Variants in MOB3A observed in about 807,000 individuals in gnomAD.
MOB3A encodes MOB LAK.
A neutral mutation model predicts 17.8 loss-of-function variants in MOB3A; 17 were observed. The ratio of observed to expected loss-of-function variants is 0.95; its 90% CI spans 0.65 to 1.43. The LOEUF is 1.43. Among genes scored for constraint, MOB3A ranks in the 40% most tolerant of loss-of-function variants. The pLI is 0.00. For missense variants in MOB3A, 333 were observed against 310.8 expected (o/e 1.07, Z -0.54); for synonymous variants, 124 against 133.2 (o/e 0.93, Z 0.48).
chr19:2,072,505 C>T lies in MOB3A; in HGVS notation c.*890G>A, dbSNP rs886099944. 6.6e-6 allele frequency: 1 copy of T among 152,102 alleles called. No homozygotes were observed. The highest frequency in any genetic ancestry group is 1.5e-5 in the Non-Finnish European group (1 of 68,034). The allele number at this position is 152,102 out of a possible 1,614,324, so 9.4% of individuals were successfully genotyped here. ...TAAAAATCAAACCCTTTATGATACA[C>T]AAAGGGGCCCTTAGGAAATGAGTCA... On this transcript the variant is annotated 3_prime_UTR_variant, in exon 5 of 5. Coordinates refer to ENST00000357066, the MANE Select transcript of MOB3A (RefSeq NM_130807.3).
chr19:2,085,998 G>A (rs569170421), intron 1 of MOB3A, among the ~76,000 whole-genome samples: 3 of 147,734 alleles, frequency 2.0e-5, no homozygotes, highest in South Asian at 2.1e-4. Flanking sequence ...GCAGCATCCC[G>A]GAGCCACCTT....
At chr19:2,088,916 TAATG>T (rs747777279) in intron 1 of MOB3A, among the ~76,000 whole-genome samples, 1 of 152,190 alleles carries the variant, frequency 6.6e-6, no homozygotes, top group African/African-American at 2.4e-5. Context: ...TCTCCCTCTT[TAATG>T]AGTAATTTTT....
intron 1 of MOB3A, among the ~76,000 whole-genome samples, chr19:2,090,751 C>T (rs1483203193): frequency 6.6e-6 from 1 of 152,084 alleles, no homozygotes; most frequent in Non-Finnish European, 1.5e-5. Flanking sequence ...GCAACCTCCG[C>T]CTACTGGGTT....
intron 1 of MOB3A, 101 bp from the exon 2 acceptor site, chr19:2,085,429 A>AC (rs1443090977): frequency 2.0e-5 from 3 of 146,688 alleles, no homozygotes; most frequent in African/African-American, 7.7e-5. Context: ...AACTGGTATG[A>AC]CCCCTCCCCC....
intron 3 of MOB3A, 88 bp downstream of exon 3, chr19:2,078,052 G>T: frequency 7.5e-7 from 1 of 1,341,126 alleles, no homozygotes; most frequent in East Asian, 2.6e-5. Flanking sequence ...CCAAAGCGCT[G>T]GCATTACGGG....
rs1428991176 is a variant in MOB3A at position 2,082,901 on chromosome 19, C to T, written c.-120+2274G>A. Among the ~76,000 whole-genome samples the T allele has an allele frequency of 6.6e-6, 1 of 152,188 alleles. No homozygotes were observed. On this transcript the variant is annotated intron_variant, in intron 2 of 4. Transcript: ENST00000357066. This position sits in a 1 kb window ranked among gnomAD's most constrained non-coding sequence, Gnocchi z 4.1. ...ATCATGGCTCACACTTCAGCCTCGA[C>T]CTCCTAGCTCAAGGGATCCTCCTGC...
intron 1 of MOB3A, chr19:2,095,407 C>A (rs2017669278): frequency 6.6e-6 from 1 of 152,234 alleles, no homozygotes; most frequent in African/African-American, 2.4e-5. Context: ...CGGGCGCCTC[C>A]TTCCGGGGTG....
At position 2,078,631 on chromosome 19, in the gene MOB3A, C is replaced by T; in HGVS notation, c.-71G>A. ...CCAGCTGGCTGGGGGTGCTGACCAA[C>T]CCGAGAGGCCACGAAACACTCACCA... On this transcript the variant is annotated 5_prime_UTR_variant, in exon 3 of 5. Transcript: ENST00000357066. The T allele has an allele frequency of 6.9e-7, 1 of 1,455,048 alleles. No homozygotes were observed. The highest frequency in any genetic ancestry group is 1.4e-5 in the African/African-American group (1 of 70,562). 90.1% of individuals were successfully genotyped at this position (1,455,048 alleles called of 1,614,324 possible).
chr19:2,076,584 G>A (rs935598209), intron 4 of MOB3A, among the ~76,000 whole-genome samples: 1 of 152,232 alleles, frequency 6.6e-6, no homozygotes, highest in Non-Finnish European at 1.5e-5. Context: ...GCGGCGCGGA[G>A]GAAACTGCAC....
At chr19:2,073,893 T>C (rs1025127058) in intron 4 of MOB3A, among the ~76,000 whole-genome samples, 2 of 152,126 alleles carry the variant, frequency 1.3e-5, no homozygotes, top group Admixed American at 6.6e-5. Flanking sequence ...TAGCCTGGCA[T>C]GGTGGCAGGC....
chr19:2,086,859 A>G (rs2017559889), intron 1 of MOB3A, among the ~76,000 whole-genome samples: 1 of 152,082 alleles, frequency 6.6e-6, no homozygotes. Context: ...TAGTGCAATC[A>G]CAGCTCACTG....
In MOB3A at chr19:2,078,178, G is replaced by A. The variant is rs199931377; in HGVS notation, c.383C>T (p.Ala128Val). Residue 128 changes from alanine (A) to valine (V), a missense_variant, in exon 3 of 5, where the codon GCG (alanine) becomes GTG (valine). Physicochemically the swap from Ala to Val is moderately conservative, Grantham distance 64 (BLOSUM62 0). Coordinates refer to ENST00000357066, the MANE Select transcript of MOB3A (RefSeq NM_130807.3). ...YMDLLMDWIE[A>V]QINNEDLFPT... The stretch of plus-strand genomic sequence containing the variant: ...GAAGAGGTCCTCGTTGTTGATCTGC[G>A]CCTCGATCCAGTCCATCAGCAGGTC... 3.8e-5 allele frequency: 60 copies of A among 1,596,056 alleles called. No homozygotes were observed. In the East Asian group the frequency reaches 9.7e-4, roughly 26 times the overall value.
chr19:2,086,083 C>T (rs563535706), intron 1 of MOB3A, among the ~76,000 whole-genome samples: 1 of 151,214 alleles, frequency 6.6e-6, no homozygotes, highest in African/African-American at 2.4e-5. Context: ...TCTTGTTGCC[C>T]AGGCTGGAGT....
chr19:2,096,116 C>A (rs1297975403), intron 1 of MOB3A, 110 bp downstream of exon 1: 1 of 153,046 alleles, frequency 6.5e-6, no homozygotes, highest in Non-Finnish European at 1.5e-5. Flanking sequence ...TCCCCGCCGC[C>A]AGGGTTCGCC....
chr19:2,092,874 A>G (rs2017629309), intron 1 of MOB3A, among the ~76,000 whole-genome samples: 1 of 151,862 alleles, frequency 6.6e-6, no homozygotes, highest in Admixed American at 6.6e-5. Flanking sequence ...AGCCAGGCAC[A>G]CGCTGGACCA....
In MOB3A at chr19:2,082,050, G is replaced by C. The variant is rs1308617038; in HGVS notation, c.-120+3125C>G. On this transcript the variant is annotated intron_variant, in intron 2 of 4. Coordinates refer to ENST00000357066, the MANE Select transcript of MOB3A (RefSeq NM_130807.3). The surrounding 1 kb of genome is among the most constrained non-coding windows in gnomAD (Gnocchi z 4.1). ...CTGGGCACAGGTGGCAGGAGGACTTGAGTCCCACCCACGCTGCAGTGACCA... is the reference window on the plus strand; with the variant it reads ...CTGGGCACAGGTGGCAGGAGGACTTCAGTCCCACCCACGCTGCAGTGACCA... 2.0e-5 allele frequency among the ~76,000 whole-genome samples: 3 copies of C among 152,310 alleles called. No individual in the cohort carries two copies. The East Asian group carries it at 5.8e-4, about 29-fold the overall frequency.
intron 1 of MOB3A, among the ~76,000 whole-genome samples, chr19:2,089,253 C>T (rs1313315059): frequency 1.3e-5 from 2 of 152,174 alleles, no homozygotes; most frequent in Non-Finnish European, 2.9e-5. Flanking sequence ...CCGTGCTGCA[C>T]GTCCAGAAGC....
In MOB3A at chr19:2,078,240, G is replaced by C. The variant is rs1336824788; in HGVS notation, c.321C>G (p.Phe107Leu). Reference sequence around the variant, plus strand: ...GCGCGGAGAGTGCCGTGGGCTTCCGGAACTTATGCTCATCCTGCCAGCGGT... The same window carrying C: ...GCGCGGAGAGTGCCGTGGGCTTCCGCAACTTATGCTCATCCTGCCAGCGGT... The part of the protein sequence containing the change: ...YEYRWQDEHK[F>L]RKPTALSAPR... Residue 107 changes from phenylalanine to leucine, a missense_variant, in exon 3 of 5, where the codon TTC (phenylalanine) becomes TTG (leucine). Phe to Leu is a conservative substitution (Grantham distance 22, BLOSUM62 0). Transcript: ENST00000357066. 1.9e-6 allele frequency: 3 copies of C among 1,613,852 alleles called. No homozygotes were observed. Among genetic ancestry groups the C allele is most frequent in the East Asian group, 4.5e-5 (2 of 44,894 alleles).
At chr19:2,079,157 C>T (rs938125758) in intron 2 of MOB3A, among the ~76,000 whole-genome samples, 6 of 152,254 alleles carry the variant, frequency 3.9e-5, no homozygotes, top group Admixed American at 2.6e-4. Context: ...CGAGGCCTGA[C>T]CGATTCACAG....
Sources: gnomAD v4.1 joint callset for allele counts (sites outside exome capture counted in the v4.1 genomes callset) on GRCh38, gnomAD v4.1.1 for gene constraint, Gnocchi (gnomAD v3.1) non-coding constraint, MANE v1.5 for transcripts, NCBI Gene and HGNC (gene_info 2026-07-23, HGNC 2026-07-21) for gene names.